GALC: variants seen among roughly 807,000 people sequenced by gnomAD.
GALC encodes the protein galactocerebrosidase.
In GALC, 77 loss-of-function variants were observed where a neutral mutation model predicts 91.8. That is an observed-to-expected ratio of 0.84 (90% CI 0.70 to 1.01). The LOEUF is 1.01. Ranked by LOEUF, GALC falls within the 50% of genes least tolerant of loss-of-function variation. GALC has a pLI of 0.00. For synonymous variants in GALC, 357 were observed against 306.7 expected (o/e 1.16, Z -1.71); for missense variants, 882 against 855.9 (o/e 1.03, Z -0.38).
At position 87,934,878 on chromosome 14, in the gene GALC, C is replaced by T. The variant is rs769851272; in HGVS notation, c.1912G>A (p.Gly638Ser). The T allele has an allele frequency of 1.5e-5, 24 of 1,600,716 alleles. No individual in the cohort carries two copies. The East Asian group carries it at 5.4e-4, about 36-fold the overall frequency. Residue 638 changes from glycine to serine, a missense_variant and splice_region_variant, in exon 17 of 17, where the codon GGT becomes AGT. Coordinates refer to ENST00000261304, the MANE Select transcript of GALC (RefSeq NM_000153.4). ...TTCAGCATGCCAGAGGTGAAATGAC[C>T]CTAGAGTAGAAAGAAACACATTCCT... is the stretch of plus-strand genomic sequence containing the variant. ...KWYTLTLTIKGHFTSGMLNDK... is the reference protein window; with the variant it reads ...KWYTLTLTIKSHFTSGMLNDK...
rs1430230912 is a variant in GALC, at chr14:87,934,875, G to A, written c.1915C>T (p.His639Tyr). ...WYTLTLTIKG[H>Y]FTSGMLNDKS... ...TCATTCAGCATGCCAGAGGTGAAAT[G>A]ACCCTAGAGTAGAAAGAAACACATT... is the stretch of plus-strand genomic sequence containing the variant. Residue 639 changes from histidine (H) to tyrosine (Y), a missense_variant, in exon 17 of 17, where the codon CAT becomes TAT. Coordinates refer to ENST00000261304, the MANE Select transcript of GALC (RefSeq NM_000153.4). 1.9e-6 allele frequency: 3 copies of A among 1,603,608 alleles called. No homozygotes were observed. The highest frequency in any genetic ancestry group is 2.6e-6 in the Non-Finnish European group (3 of 1,170,838).
rs112769790 is a variant in GALC at position 87,973,596 on chromosome 14, C to A, written c.752+2762G>T. Among the ~76,000 whole-genome samples the A allele has an allele frequency of 2.9e-3, 447 of 152,086 alleles. 1 individual carries two copies. The highest frequency in any genetic ancestry group is 0.01 in the African/African-American group (425 of 41,490). ...GATAATTCTGGTAATTAAAATTCCA[C>A]GGTAGGGGAGAAAAAGGGAGGAAGA... On this transcript the variant is annotated intron_variant, in intron 7 of 16. Transcript: ENST00000261304.
chr14:87,945,718 C>T lies in GALC; in HGVS notation c.1505G>A (p.Ser502Asn). The T allele has an allele frequency of 6.2e-7, 1 of 1,610,676 alleles. No homozygotes were observed. Among genetic ancestry groups the T allele is most frequent in the South Asian group, 1.1e-5 (1 of 90,998 alleles). ...DDFNVDYPFFSEAPNFADQTG... is the reference protein window; with the variant it reads ...DDFNVDYPFFNEAPNFADQTG... ...TTGATCAGCAAAGTTTGGAGCTTCA[C>T]TAAAAAATGGGTAATCTGTTCAGAA... Residue 502 changes from serine (S) to asparagine (N), a missense_variant, in exon 14 of 17, where the codon AGT (serine) becomes AAT (asparagine). By Grantham distance (46) the Ser-to-Asn change is conservative. Transcript: ENST00000261304.
chr14:87,946,041 G>A (rs1263858445), intron 13 of GALC, among the ~76,000 whole-genome samples: 2 of 151,938 alleles, frequency 1.3e-5, no homozygotes, highest in East Asian at 1.9e-4. Context: ...CTGTCGCCCT[G>A]GACAAGCTAT....
chr14:87,938,164 T>C (rs1884669887), intron 16 of GALC, among the ~76,000 whole-genome samples: 3 of 152,002 alleles, frequency 2.0e-5, no homozygotes, highest in Admixed American at 2.0e-4. Context: ...CAGGCACTTT[T>C]CTAGGTGCTA....
intron 16 of GALC, among the ~76,000 whole-genome samples, chr14:87,937,370 G>A (rs1476059771): frequency 2.7e-5 from 4 of 150,766 alleles, no homozygotes. Flanking sequence ...CCAGGTCAAG[G>A]TGACAATGGG....
intron 6 of GALC, among the ~76,000 whole-genome samples, chr14:87,978,947 T>C (rs1886626442): frequency 6.6e-6 from 1 of 152,222 alleles, no homozygotes; most frequent in African/African-American, 2.4e-5. Flanking sequence ...GGTCATCTTA[T>C]TATCCCATAA....
intron 3 of GALC, 162 bp downstream of exon 3, chr14:87,987,981 AT>A (rs1395648631): frequency 2.6e-5 from 16 of 626,470 alleles, no homozygotes; most frequent in Non-Finnish European, 4.2e-5. Flanking sequence ...TCTATATAAT[AT>A]TTTTAAATAA....
At position 87,956,379 on chromosome 14, in the gene GALC, T is replaced by C. The variant is rs547334874; in HGVS notation, c.1162-5631A>G. On this transcript the variant is annotated intron_variant, in intron 10 of 16. Transcript: ENST00000261304. ...GGAGAGGATCAATGCCCAGAGTTGA[T>C]AGCATATATTATATACGAGTTGCTA... 8.6e-5 allele frequency among the ~76,000 whole-genome samples: 13 copies of C among 151,978 alleles called. No individual in the cohort carries two copies. In the South Asian group the frequency reaches 1.5e-3, roughly 17 times the overall value.
Position 87,934,896 on chromosome 14 carries a change from AC to A in GALC, c.1912-19del. 6.4e-7 allele frequency: 1 copy of A among 1,565,622 alleles called. No homozygotes were observed. The highest frequency in any genetic ancestry group is 8.8e-7 in the Non-Finnish European group (1 of 1,136,528). ...AAATGACCCTAGAGTAGAAAGAAAC[AC>A]ATTCCTTGAAACCATATGAAAATGG... On this transcript the variant is annotated intron_variant, in intron 16 of 16. Transcript: ENST00000261304.
chr14:87,955,767 C>T (rs112102371), intron 10 of GALC, among the ~76,000 whole-genome samples: 1 of 151,742 alleles, frequency 6.6e-6, no homozygotes, highest in Non-Finnish European at 1.5e-5. Flanking sequence ...GTGGTTAGTT[C>T]GTGTCTAGGA....
chr14:87,952,207 T>A (rs1341183258), intron 10 of GALC, among the ~76,000 whole-genome samples: 3 of 151,558 alleles, frequency 2.0e-5, no homozygotes, highest in Non-Finnish European at 4.4e-5. Flanking sequence ...TTCGAGAAGA[T>A]CAATACAGTT....
intron 12 of GALC, among the ~76,000 whole-genome samples, chr14:87,949,156 T>A (rs394171): frequency 0.95 from 144,776 of 151,620 alleles, 69,466 homozygotes; most frequent in Non-Finnish European, 1. Context: ...GATGACAAAG[T>A]TGAGGAGAGG....
intron 11 of GALC, 78 bp downstream of exon 11, chr14:87,950,581 C>T: frequency 1.1e-6 from 1 of 895,258 alleles, no homozygotes; most frequent in Non-Finnish European, 1.8e-6. Context: ...TAAGGCTTCA[C>T]TTAAGAACTA....
intron 7 of GALC, among the ~76,000 whole-genome samples, chr14:87,973,802 C>T (rs979855421): frequency 6.6e-6 from 1 of 152,150 alleles, no homozygotes; most frequent in Non-Finnish European, 1.5e-5. Flanking sequence ...TAGAAACATT[C>T]GTGGCCTCCA....
intron 6 of GALC, 132 bp from the exon 7 acceptor site, chr14:87,976,620 T>C: frequency 1.2e-6 from 1 of 812,056 alleles, no homozygotes; most frequent in Admixed American, 2.1e-5. Context: ...TTTGTTTGTT[T>C]GTTTGTTTTT....
chr14:87,949,777 C>T lies in GALC; in HGVS notation c.1338+68G>A, dbSNP rs954050247. 4.8e-5 allele frequency: 38 copies of T among 788,032 alleles called. No homozygotes were observed. In the Admixed American group the frequency reaches 6.9e-4, roughly 14 times the overall value. 48.8% of individuals were successfully genotyped at this position (788,032 alleles called of 1,614,324 possible). A position where few individuals can be genotyped will look rare whatever the true frequency, so the allele number is the denominator to read the frequency against. ...AAAAATAAAAATTCTTAATTAATGA[C>T]ATTTCTGTGCCCTTTTACTGTTTTA... On this transcript the variant is annotated intron_variant, in intron 12 of 16. Coordinates refer to ENST00000261304, the MANE Select transcript of GALC (RefSeq NM_000153.4).
chr14:87,954,365 G>A (rs1854704430), intron 10 of GALC: 2 of 1,601,846 alleles, frequency 1.2e-6, no homozygotes, highest in African/African-American at 1.3e-5. Flanking sequence ...TATGTTAACA[G>A]TGGAACAGGC....
intron 10 of GALC, among the ~76,000 whole-genome samples, chr14:87,961,052 T>C (rs571352405): frequency 6.6e-6 from 1 of 152,202 alleles, no homozygotes; most frequent in East Asian, 1.9e-4. Flanking sequence ...GGAGAAAATA[T>C]CTGCAAATTA....
Sources: gnomAD v4.1 joint callset for allele counts (sites outside exome capture counted in the v4.1 genomes callset) on GRCh38, gnomAD v4.1.1 for gene constraint, MANE v1.5 for transcripts, NCBI Gene and HGNC (gene_info 2026-07-23, HGNC 2026-07-21) for gene names.